ULK4: variants seen among roughly 807,000 people sequenced by gnomAD.
ULK4 encodes the protein unc-51 like kinase 4.
Under a neutral mutation model 160.6 loss-of-function variants are expected in ULK4, and 133 were observed. That is an observed-to-expected ratio of 0.83 (90% CI 0.72 to 0.96). The LOEUF is 0.96. ULK4 is among the 40% of genes least tolerant of loss of function. ULK4 has a pLI of 0.00. For missense variants in ULK4, 1,580 were observed against 1,499.5 expected, an observed-to-expected ratio of 1.05 and a Z score of -0.89; for synonymous variants, 534 against 539.8, an observed-to-expected ratio of 0.99 and a Z score of 0.15.
At chr3:41,919,324 A>C (rs1699090115) in intron 6 of ULK4, among the ~76,000 whole-genome samples, 1 of 152,164 alleles carries the variant, frequency 6.6e-6, no homozygotes, top group African/African-American at 2.4e-5. Flanking sequence ...TTTTTTGGCC[A>C]GGCACAGTGG....
intron 17 of ULK4, among the ~76,000 whole-genome samples, chr3:41,868,316 G>A (rs1389546550): frequency 6.6e-6 from 1 of 152,096 alleles, no homozygotes; most frequent in Admixed American, 6.5e-5. Flanking sequence ...CTAATGAACT[G>A]AAATTTTCAT....
At chr3:41,249,068 G>A (rs576236046) in intron 36 of ULK4, among the ~76,000 whole-genome samples, 410 of 152,294 alleles carry the variant, frequency 2.7e-3, no homozygotes, top group Non-Finnish European at 4.9e-3. Flanking sequence ...CCCTGCCTGG[G>A]CCTTGAGTCC....
intron 32 of ULK4, among the ~76,000 whole-genome samples, chr3:41,534,001 G>C (rs1575372002): frequency 6.6e-6 from 1 of 152,166 alleles, no homozygotes; most frequent in Non-Finnish European, 1.5e-5. Flanking sequence ...TAGAGACGGG[G>C]TTTCACCGTG....
chr3:41,510,081 G>A (rs1414616494), intron 32 of ULK4, among the ~76,000 whole-genome samples: 6 of 152,126 alleles, frequency 3.9e-5, no homozygotes, highest in Admixed American at 3.9e-4. Flanking sequence ...CTGTCTTCAG[G>A]AGAGTCACCT....
intron 17 of ULK4, among the ~76,000 whole-genome samples, chr3:41,846,657 T>C (rs980178074): frequency 5.3e-5 from 8 of 151,666 alleles, no homozygotes; most frequent in African/African-American, 1.9e-4. Flanking sequence ...ATACAGAAAT[T>C]CCCCAGGCAT....
At chr3:41,464,568 T>C (rs1290277724) in intron 32 of ULK4, among the ~76,000 whole-genome samples, 1 of 152,184 alleles carries the variant, frequency 6.6e-6, no homozygotes, top group Non-Finnish European at 1.5e-5. Context: ...CCACCAGGCA[T>C]TCTCCTTAGA....
intron 34 of ULK4, among the ~76,000 whole-genome samples, chr3:41,406,203 A>G (rs184677974): frequency 1.3e-5 from 2 of 152,324 alleles, no homozygotes; most frequent in Admixed American, 1.3e-4. Flanking sequence ...CAGCTATTCC[A>G]GCACCATTTA....
chr3:41,599,673 T>TGTGG (rs2031936011), intron 31 of ULK4, among the ~76,000 whole-genome samples: 1 of 150,708 alleles, frequency 6.6e-6, no homozygotes, highest in Non-Finnish European at 1.5e-5. Flanking sequence ...CAAACAATTC[T>TGTGG]CCCACCCCAG....
At chr3:41,818,813 A>G (rs1439659435) in intron 19 of ULK4, among the ~76,000 whole-genome samples, 1 of 152,226 alleles carries the variant, frequency 6.6e-6, no homozygotes, top group East Asian at 1.9e-4. Context: ...CAAATGGAAA[A>G]TGCCAACCTT....
chr3:41,292,977 T>C (rs2079600539), intron 35 of ULK4, among the ~76,000 whole-genome samples: 1 of 151,150 alleles, frequency 6.6e-6, no homozygotes, highest in African/African-American at 2.4e-5. Context: ...AAAAAATTAG[T>C]CAGGTGTGGT....
intron 30 of ULK4, among the ~76,000 whole-genome samples, chr3:41,649,077 G>A (rs779344694): frequency 7.3e-5 from 11 of 151,666 alleles, no homozygotes; most frequent in East Asian, 1.9e-4. Flanking sequence ...ACAGTGAGCC[G>A]AGATTACGCC....
At chr3:41,859,656 T>C (rs1353770166) in intron 17 of ULK4, 1 of 282,712 alleles carries the variant, frequency 3.5e-6, no homozygotes. Context: ...CCTTCTTTTT[T>C]GTTTGTTTTG....
At chr3:41,384,206 A>G (rs554620991) in intron 35 of ULK4, among the ~76,000 whole-genome samples, 13 of 152,144 alleles carry the variant, frequency 8.5e-5, no homozygotes, top group Non-Finnish European at 2.9e-5. Context: ...GCCACTATCA[A>G]TGGGACATTC....
chr3:41,278,919 A>G (rs187021669), intron 35 of ULK4, among the ~76,000 whole-genome samples: 68 of 152,304 alleles, frequency 4.5e-4, no homozygotes, highest in South Asian at 1.0e-3. Flanking sequence ...CCATGCCGGC[A>G]GCGGAAAAAA....
At chr3:41,403,984 G>C (rs1221660169) in intron 34 of ULK4, among the ~76,000 whole-genome samples, 2 of 151,994 alleles carry the variant, frequency 1.3e-5, no homozygotes, top group Non-Finnish European at 2.9e-5. Context: ...AATATTTCTT[G>C]AAGTTGCTTT....
In ULK4 at chr3:41,839,831, T is replaced by TC. The variant is rs869129721; in HGVS notation, c.1657-3861dup. Among the ~76,000 whole-genome samples, 4 of 151,414 alleles carry TC rather than the reference T, an allele frequency of 2.6e-5. No individual in the cohort carries two copies. The South Asian group carries it at 6.3e-4, about 24-fold the overall frequency. On this transcript the variant is annotated intron_variant, in intron 17 of 36. Transcript: ENST00000301831. Reference sequence around the variant, plus strand: ...CTGAAATTTAAAACACCATTTACAATCCCCCCCAAAAAAACAATACTCAGG... The same window carrying TC: ...CTGAAATTTAAAACACCATTTACAATCCCCCCCCAAAAAAACAATACTCAGG...
chr3:41,289,306 T>C (rs930329192), intron 35 of ULK4, among the ~76,000 whole-genome samples: 3 of 152,126 alleles, frequency 2.0e-5, no homozygotes, highest in Admixed American at 6.5e-5. Context: ...GGCTCAGGTG[T>C]TGGCAGGAGA....
intron 35 of ULK4, among the ~76,000 whole-genome samples, chr3:41,371,599 A>G (rs890066281): frequency 2.6e-5 from 4 of 152,176 alleles, no homozygotes; most frequent in Non-Finnish European, 5.9e-5. Context: ...CAATAGCATC[A>G]ACATCAACAA....
intron 1 of ULK4, among the ~76,000 whole-genome samples, chr3:41,955,954 T>C (rs1700468405): frequency 1.3e-5 from 2 of 152,190 alleles, no homozygotes; most frequent in African/African-American, 4.8e-5. Flanking sequence ...GGATAATATA[T>C]GTGAGGCAGG....
Sources: allele counts gnomAD v4.1 joint callset (sites outside exome capture counted in the v4.1 genomes callset), GRCh38; gene constraint gnomAD v4.1.1; transcripts MANE v1.5; gene names NCBI Gene and HGNC (gene_info 2026-07-23, HGNC 2026-07-21).